Variants in CDS2 observed in about 807,000 individuals in gnomAD.
The protein encoded by CDS2 is CDP-diacylglycerol synthase 2, also known as phosphatidate cytidylyltransferase 2.
In CDS2, 47 loss-of-function variants were observed where a neutral mutation model predicts 59.0. That is an observed-to-expected ratio of 0.80 (90% CI 0.63 to 1.02). CDS2 has a LOEUF of 1.02. Ranked by LOEUF, CDS2 falls within the 50% of genes least tolerant of loss-of-function variation. The pLI is 0.00. For synonymous variants in CDS2, 207 were observed against 206.4 expected, an observed-to-expected ratio of 1.00 and a Z score of -0.02; for missense variants, 356 against 558.9, an observed-to-expected ratio of 0.64 and a Z score of 3.66.
At chr20:5,168,532 A>G in intron 1 of CDS2, 1 of 497,576 alleles carries the variant, frequency 2.0e-6, no homozygotes, top group Non-Finnish European at 4.0e-6. Flanking sequence ...AGCCATGGGC[A>G]CAGCCACACT....
At position 5,185,933 on chromosome 20, in the gene CDS2, C is replaced by T; in HGVS notation, c.828+107C>T. On this transcript the variant is annotated intron_variant, in intron 9 of 12. Coordinates refer to ENST00000460006, the MANE Select transcript of CDS2 (RefSeq NM_003818.4). Reference sequence around the variant, plus strand: ...GAGTGTCTTTGGAGGCCAGGACTGTCCTGCTGAATGGCAACCTTGCCCTGA... The same window carrying T: ...GAGTGTCTTTGGAGGCCAGGACTGTTCTGCTGAATGGCAACCTTGCCCTGA... The T allele has an allele frequency of 8.4e-6, 9 of 1,069,002 alleles. No individual in the cohort carries two copies. The South Asian group carries it at 1.2e-4, about 15-fold the overall frequency. 66.2% of individuals were successfully genotyped at this position (1,069,002 alleles called of 1,614,324 possible). A position where few individuals can be genotyped will look rare whatever the true frequency, so the allele number is the denominator to read the frequency against.
intron 5 of CDS2, 139 bp from the exon 6 acceptor site, chr20:5,182,248 C>T: frequency 1.9e-6 from 1 of 532,802 alleles, no homozygotes; most frequent in South Asian, 2.8e-5. Flanking sequence ...TAATGTTTTT[C>T]TCCCCTGGGC....
intron 1 of CDS2, among the ~76,000 whole-genome samples, chr20:5,143,556 AG>A (rs751500354): frequency 2.6e-5 from 4 of 152,098 alleles, no homozygotes; most frequent in Non-Finnish European, 4.4e-5. Context: ...TAATGCTGCT[AG>A]GAACATGAGT....
At chr20:5,152,115 A>G (rs1330897872) in intron 1 of CDS2, among the ~76,000 whole-genome samples, 1 of 151,814 alleles carries the variant, frequency 6.6e-6, no homozygotes, top group East Asian at 1.9e-4. Context: ...AAAACAGGCA[A>G]TGATCTTTTA....
At chr20:5,147,381 A>G (rs1430138067) in intron 1 of CDS2, among the ~76,000 whole-genome samples, 76 of 152,246 alleles carry the variant, frequency 5.0e-4, no homozygotes, top group Non-Finnish European at 2.2e-4. Flanking sequence ...ACTGTTTTGT[A>G]GGTTTGGGGA....
intron 8 of CDS2, among the ~76,000 whole-genome samples, chr20:5,185,282 C>G (rs770827682): frequency 5.3e-5 from 8 of 152,016 alleles, no homozygotes; most frequent in Non-Finnish European, 8.8e-5. Flanking sequence ...ATTAGCCAGG[C>G]ATGGTGGTAG....
intron 10 of CDS2, among the ~76,000 whole-genome samples, chr20:5,188,384 A>G (rs923089818): frequency 2.6e-5 from 4 of 152,238 alleles, no homozygotes; most frequent in Admixed American, 2.6e-4. Context: ...TGAGGCTACG[A>G]CTAAAATACT....
At chr20:5,179,362 T>C (rs779768268) in intron 5 of CDS2, among the ~76,000 whole-genome samples, 4 of 152,212 alleles carry the variant, frequency 2.6e-5, no homozygotes, top group Non-Finnish European at 4.4e-5. Context: ...GTTTAACTTA[T>C]CCGCCTGCCT....
intron 1 of CDS2, among the ~76,000 whole-genome samples, chr20:5,144,499 T>G (rs1419492624): frequency 5.3e-5 from 8 of 152,168 alleles, no homozygotes; most frequent in Admixed American, 5.2e-4. Flanking sequence ...TTAATCTTCC[T>G]ATGATGGCCA....
intron 1 of CDS2, among the ~76,000 whole-genome samples, chr20:5,161,778 T>C (rs141085341): frequency 6.6e-6 from 1 of 152,362 alleles, no homozygotes; most frequent in Admixed American, 6.5e-5. Flanking sequence ...CTAGCCCTTC[T>C]GGTTTCTTCA....
In CDS2 at chr20:5,127,128, G is replaced by A; in HGVS notation, c.36G>A (p.Pro12=). The A allele has an allele frequency of 6.7e-7, 1 of 1,496,150 alleles. No individual in the cohort carries two copies. Among genetic ancestry groups the A allele is most frequent in the East Asian group, 3.0e-5 (1 of 33,714 alleles). 92.7% of individuals were successfully genotyped at this position (1,496,150 alleles called of 1,614,324 possible). The change falls in exon 1 of 13, where the codon CCG becomes CCA. Residue 12 remains proline (P), a synonymous_variant. Coordinates refer to ENST00000460006, the MANE Select transcript of CDS2 (RefSeq NM_003818.4). ...TELRQRVAHE[P]VAPPEDKESE... is the part of the protein sequence containing the mutation. Reference sequence around the variant, plus strand: ...TGAGGCAGAGGGTGGCCCATGAGCCGGTTGCGCCACCCGAGGACAAGGTAG... The same window carrying A: ...TGAGGCAGAGGGTGGCCCATGAGCCAGTTGCGCCACCCGAGGACAAGGTAG...
chr20:5,135,007 C>G (rs987736740), intron 1 of CDS2, among the ~76,000 whole-genome samples: 2 of 152,152 alleles, frequency 1.3e-5, no homozygotes, highest in African/African-American at 2.4e-5. Context: ...AACCTTACAA[C>G]TGCCAGAAAT....
chr20:5,145,210 T>C (rs893043940), intron 1 of CDS2, among the ~76,000 whole-genome samples: 3 of 150,098 alleles, frequency 2.0e-5, no homozygotes, highest in Non-Finnish European at 3.0e-5. Context: ...AGACCTCATT[T>C]TAGGGCGAAT....
intron 4 of CDS2, among the ~76,000 whole-genome samples, chr20:5,178,350 G>A (rs143941967): frequency 3.6e-4 from 55 of 152,326 alleles, no homozygotes; most frequent in African/African-American, 1.3e-3. Flanking sequence ...AAGGAGTGAA[G>A]AAATGGAGAA....
intron 1 of CDS2, among the ~76,000 whole-genome samples, chr20:5,135,250 A>G (rs2090639781): frequency 6.6e-6 from 1 of 152,236 alleles, no homozygotes; most frequent in Admixed American, 6.5e-5. Context: ...TTCACAGGGC[A>G]GATAATCATC....
chr20:5,151,750 CTTTTTTTTTTTTTTTTTTTTT>C (rs57378947), intron 1 of CDS2, among the ~76,000 whole-genome samples: 2 of 53,178 alleles, frequency 3.8e-5, no homozygotes, highest in Admixed American at 3.7e-4. Flanking sequence ...GACTCCATGT[CTTTTTTTTTTTTTTTTTTTTT>C]TTTTTTTTTT....
intron 1 of CDS2, among the ~76,000 whole-genome samples, chr20:5,166,091 C>A (rs1320231686): frequency 6.6e-6 from 1 of 152,014 alleles, no homozygotes; most frequent in Admixed American, 6.6e-5. Context: ...GTTGCAGTGG[C>A]GAGAGCGTAG....
At chr20:5,134,550 C>T (rs1159779753) in intron 1 of CDS2, among the ~76,000 whole-genome samples, 1 of 151,962 alleles carries the variant, frequency 6.6e-6, no homozygotes, top group East Asian at 1.9e-4. Context: ...GATGGAGTTT[C>T]TCTCTTGTTG....
At position 5,127,045 on chromosome 20, in the gene CDS2, G is replaced by T; in HGVS notation, c.-48G>T. 1 of 1,475,966 alleles carries T rather than the reference G, an allele frequency of 6.8e-7. No homozygotes were observed. Among genetic ancestry groups the T allele is most frequent in the South Asian group, 1.3e-5 (1 of 77,020 alleles). The allele number at this position is 1,475,966 out of a possible 1,614,324, so 91.4% of individuals were successfully genotyped here. The stretch of plus-strand genomic sequence containing the variant: ...GTGCCCGCGCCGAGCTGCCTGCTCC[G>T]GCGGCTTCGCTGCTAGCTCGCGGCG... On this transcript the variant is annotated 5_prime_UTR_variant, in exon 1 of 13. Transcript: ENST00000460006.
Sources: allele counts gnomAD v4.1 joint callset (sites outside exome capture counted in the v4.1 genomes callset), GRCh38; gene constraint gnomAD v4.1.1; transcripts MANE v1.5; gene names NCBI Gene and HGNC (gene_info 2026-07-23, HGNC 2026-07-21).